The following FRAS1 variants were observed in gnomAD, a reference collection of about 807,000 sequenced individuals.
The protein encoded by FRAS1 is Fraser extracellular matrix complex subunit 1, also known as extracellular matrix organizing protein FRAS1.
FRAS1 carries 290 observed loss-of-function variants against 435.2 expected under a neutral mutation model. That is an observed-to-expected ratio of 0.67 (90% confidence interval 0.61 to 0.73). The LOEUF (loss-of-function observed/expected upper bound fraction) is 0.73, where lower values mean the gene tolerates loss of function less well. Among genes scored for constraint, FRAS1 ranks in the 30% least tolerant of loss-of-function variants. The pLI, the probability that FRAS1 is intolerant of heterozygous loss-of-function variation, is 0.00. For missense variants in FRAS1, 4,860 were observed against 5,001.5 expected, an observed-to-expected ratio of 0.97 and a Z score of 0.85; for synonymous variants, 1,800 against 1,851.0, an observed-to-expected ratio of 0.97 and a Z score of 0.71.
At chr4:78,518,433 T>C (rs1721279014) in intron 66 of FRAS1, among the ~76,000 whole-genome samples, 1 of 58,228 alleles carries the variant, frequency 1.7e-5, no homozygotes, top group Non-Finnish European at 3.8e-5. Context: ...TATATATATA[T>C]ATATATATAT....
intron 22 of FRAS1, among the ~76,000 whole-genome samples, chr4:78,364,957 A>G (rs1731205833): frequency 6.6e-6 from 1 of 152,200 alleles, no homozygotes; most frequent in Non-Finnish European, 1.5e-5. Flanking sequence ...ACCTTGAGCA[A>G]GCCAATTAAC....
In FRAS1 at chr4:78,541,022, G is replaced by T. The variant is rs1722034591; in HGVS notation, c.11937G>T (p.Leu3979=). ...HYCTVRNVNI[L]SEPEAAYTFK... ...GCACTGTGCGGAACGTCAACATCCTGAGTGAGCCTGAGGCGGCTTACACGT... is the reference window on the plus strand; with the variant it reads ...GCACTGTGCGGAACGTCAACATCCTTAGTGAGCCTGAGGCGGCTTACACGT... The change falls in exon 74 of 74, where the codon CTG becomes CTT. Residue 3979 remains leucine, a synonymous_variant. Transcript: ENST00000512123. The T allele has an allele frequency of 6.5e-7, 1 of 1,529,712 alleles. No individual in the cohort carries two copies. Among genetic ancestry groups the T allele is most frequent in the African/African-American group, 1.4e-5 (1 of 72,628 alleles). 94.8% of individuals were successfully genotyped at this position (1,529,712 alleles called of 1,614,324 possible).
chr4:78,376,493 T>C (rs984464059), intron 26 of FRAS1, among the ~76,000 whole-genome samples: 1 of 152,218 alleles, frequency 6.6e-6, no homozygotes, highest in African/African-American at 2.4e-5. Flanking sequence ...TGAAATGTTA[T>C]ATAGCACATG....
Position 78,421,413 on chromosome 4 carries a change from G to A in FRAS1, c.4541-450G>A, listed in dbSNP as rs182643484. On this transcript the variant is annotated intron_variant, in intron 33 of 73. Transcript: ENST00000512123. ...TCCACCCACCTCAGCCTCCCAAAGT[G>A]TTGGGATTATGGGCATGAGCCACCA... Among the ~76,000 whole-genome samples the A allele has an allele frequency of 4.1e-3, 632 of 152,292 alleles. 3 individuals are homozygous for A. Among genetic ancestry groups the A allele is most frequent in the African/African-American group, 0.015 (622 of 41,560 alleles).
chr4:78,143,274 A>G (rs1720267276), intron 2 of FRAS1, among the ~76,000 whole-genome samples: 1 of 152,232 alleles, frequency 6.6e-6, no homozygotes, highest in South Asian at 2.1e-4. Context: ...GAGTCAATCC[A>G]CTAAGAAGAT....
Position 78,450,423 on chromosome 4 carries a change from TGGCAATAAACTG to T in FRAS1, c.6463+85_6463+96del, listed in dbSNP as rs1718987342. The stretch of plus-strand genomic sequence containing the variant: ...TGAGAATTAAATATCTGGTAGTCTA[TGGCAATAAACTG>T]TGCACTCTTTGTTTTGAGGAGCTTC... On this transcript the variant is annotated intron_variant, in intron 45 of 73. Transcript: ENST00000512123. 2.8e-5 allele frequency: 31 copies of T among 1,122,048 alleles called. No homozygotes were observed. The South Asian group carries it at 3.7e-4, about 13-fold the overall frequency. 69.5% of individuals were successfully genotyped at this position (1,122,048 alleles called of 1,614,324 possible). A position where few individuals can be genotyped will look rare whatever the true frequency, so the allele number is the denominator to read the frequency against.
intron 37 of FRAS1, among the ~76,000 whole-genome samples, chr4:78,430,738 C>T (rs1374081845): frequency 1.3e-5 from 2 of 152,098 alleles, no homozygotes; most frequent in Non-Finnish European, 2.9e-5. Flanking sequence ...TGCCACTTTC[C>T]TAGCACTGTT....
intron 36 of FRAS1, 58 bp downstream of exon 36, chr4:78,429,284 C>G (rs913089581): frequency 1.3e-6 from 2 of 1,528,766 alleles, no homozygotes; most frequent in Non-Finnish European, 1.8e-6. Context: ...TATTGCTGCC[C>G]CTCTTCAAAC....
chr4:78,090,928 T>A (rs1741482369), intron 2 of FRAS1, among the ~76,000 whole-genome samples: 1 of 152,234 alleles, frequency 6.6e-6, no homozygotes. Context: ...TTGTAGTTTA[T>A]AAATCATGGA....
chr4:78,532,855 TAC>T (rs947161464), intron 70 of FRAS1, among the ~76,000 whole-genome samples: 2 of 149,286 alleles, frequency 1.3e-5, no homozygotes, highest in African/African-American at 4.9e-5. Context: ...TGTGTATATA[TAC>T]ACCACATTTT....
intron 58 of FRAS1, 41 bp from the exon 59 acceptor site, chr4:78,488,833 CT>C (rs1189308016): frequency 6.4e-7 from 1 of 1,569,188 alleles, no homozygotes; most frequent in African/African-American, 1.3e-5. Flanking sequence ...GCTTCCCTGT[CT>C]TCCACTAATG....
chr4:78,403,419 A>G (rs1287177310), intron 30 of FRAS1, among the ~76,000 whole-genome samples: 2 of 152,150 alleles, frequency 1.3e-5, no homozygotes, highest in African/African-American at 2.4e-5. Context: ...CCTATTAGTA[A>G]TAATCAAATC....
chr4:78,380,065 TC>T, intron 27 of FRAS1, 69 bp downstream of exon 27: 4 of 1,524,772 alleles, frequency 2.6e-6, no homozygotes, highest in Non-Finnish European at 3.5e-6. Flanking sequence ...CTCCACCCTG[TC>T]CCAGCCTCTC....
chr4:78,116,482 T>A (rs537938851), intron 2 of FRAS1, among the ~76,000 whole-genome samples: 2 of 152,290 alleles, frequency 1.3e-5, no homozygotes, highest in East Asian at 1.9e-4. Flanking sequence ...TTTGTAGGTC[T>A]CTAAGGACTT....
intron 22 of FRAS1, among the ~76,000 whole-genome samples, chr4:78,368,050 G>A (rs1293176840): frequency 1.3e-5 from 2 of 151,734 alleles, no homozygotes; most frequent in African/African-American, 4.8e-5. Flanking sequence ...ACAACTAGTA[G>A]GTCTCACTTC....
chr4:78,398,867 C>T (rs1732771374), intron 29 of FRAS1, among the ~76,000 whole-genome samples: 1 of 152,132 alleles, frequency 6.6e-6, no homozygotes. Flanking sequence ...CCTATAATCC[C>T]AGCTACTCAG....
chr4:78,177,647 G>C (rs1257553972), intron 2 of FRAS1, among the ~76,000 whole-genome samples: 2 of 152,306 alleles, frequency 1.3e-5, no homozygotes, highest in Admixed American at 1.3e-4. Flanking sequence ...GGGTCTGCCA[G>C]CTCTACTTGA....
At chr4:78,450,858 T>C (rs1442789206) in intron 45 of FRAS1, among the ~76,000 whole-genome samples, 1 of 152,162 alleles carries the variant, frequency 6.6e-6, no homozygotes, top group Non-Finnish European at 1.5e-5. Context: ...AAATGCTACG[T>C]AGTTACTGTA....
chr4:78,164,042 T>G (rs1388529129), intron 2 of FRAS1, among the ~76,000 whole-genome samples: 1 of 152,286 alleles, frequency 6.6e-6, no homozygotes, highest in East Asian at 1.9e-4. Flanking sequence ...TTGGGTTCAA[T>G]AAGCTGGCGA....
Sources: allele counts gnomAD v4.1 joint callset (sites outside exome capture counted in the v4.1 genomes callset), GRCh38; gene constraint gnomAD v4.1.1; transcripts MANE v1.5; gene names NCBI Gene and HGNC (gene_info 2026-07-23, HGNC 2026-07-21).